Variants in UGGT1 observed in about 807,000 individuals in gnomAD.
UGGT1 encodes the protein UDP-glucose:glycoprotein glucosyltransferase 1.
Under a neutral mutation model 203.9 loss-of-function variants are expected in UGGT1, and 107 were observed. The ratio of observed to expected loss-of-function variants is 0.52; its 90% CI spans 0.45 to 0.62. The LOEUF (loss-of-function observed/expected upper bound fraction) is 0.62. UGGT1 is among the 20% of genes least tolerant of loss of function. UGGT1 has a pLI of 0.00. For synonymous variants in UGGT1, 628 were observed against 653.5 expected, an observed-to-expected ratio of 0.96 and a Z score of 0.59; for missense variants, 1,673 against 1,867.2, an observed-to-expected ratio of 0.90 and a Z score of 1.92.
intron 11 of UGGT1, among the ~76,000 whole-genome samples, chr2:128,126,526 G>A (rs938782687): frequency 6.6e-6 from 1 of 152,060 alleles, no homozygotes; most frequent in Non-Finnish European, 1.5e-5. Context: ...ACAGGCATGA[G>A]CCACTGTGCC....
chr2:128,187,299 C>A, intron 39 of UGGT1, 150 bp from the exon 40 acceptor site: 1 of 758,876 alleles, frequency 1.3e-6, no homozygotes, highest in Non-Finnish European at 2.0e-6. Context: ...CTTTACATAG[C>A]CCACTACCAT....
chr2:128,152,313 A>G (rs1573580049), intron 18 of UGGT1, among the ~76,000 whole-genome samples: 1 of 151,944 alleles, frequency 6.6e-6, no homozygotes, highest in African/African-American at 2.4e-5. Flanking sequence ...GATTACCGGC[A>G]CCTGCCACCA....
At chr2:128,166,334 C>T (rs987575556) in intron 26 of UGGT1, among the ~76,000 whole-genome samples, 1 of 152,178 alleles carries the variant, frequency 6.6e-6, no homozygotes, top group African/African-American at 2.4e-5. Context: ...TTTTTTCCTG[C>T]ACCATTTGGA....
rs1690506699 is a variant in UGGT1 at position 128,161,125 on chromosome 2, C to G, written c.2695-13C>G. On this transcript the variant is annotated splice_polypyrimidine_tract_variant and intron_variant, in intron 24 of 40. Transcript: ENST00000259253. ...CTTCCAGAGCTAAGCGCCTGCTCTT[C>G]TCTCCTTCACAGATCATTGGGCCAC... 2 of 1,613,056 alleles carry G rather than the reference C, an allele frequency of 1.2e-6. No homozygotes were observed. The highest frequency in any genetic ancestry group is 2.2e-5 in the East Asian group (1 of 44,830).
intron 25 of UGGT1, among the ~76,000 whole-genome samples, chr2:128,162,770 G>A (rs1021886162): frequency 2.6e-5 from 4 of 152,142 alleles, no homozygotes; most frequent in Non-Finnish European, 5.9e-5. Context: ...ACCACTGCAG[G>A]GAGCTCCTTG....
Position 128,097,439 on chromosome 2 carries a change from T to C in UGGT1, c.69T>C (p.Tyr23=). ...AGALPVTGVC[Y]KMGVLVVLTV... is the part of the protein sequence containing the mutation. ...TTTTTTTCCTTTTAGGAGTTTGCTA[T>C]AAAATGGGAGTTCTGGTTGTACTCA... The change falls in exon 2 of 41, where the codon TAT becomes TAC. Residue 23 remains tyrosine (Y), a synonymous_variant. Coordinates refer to ENST00000259253, the MANE Select transcript of UGGT1 (RefSeq NM_020120.4). The C allele has an allele frequency of 1.2e-6, 2 of 1,605,314 alleles. No individual in the cohort carries two copies. The highest frequency in any genetic ancestry group is 1.7e-6 in the Non-Finnish European group (2 of 1,177,902).
chr2:128,152,668 A>G (rs1690029198), intron 18 of UGGT1, 116 bp from the exon 19 acceptor site: 1 of 1,378,870 alleles, frequency 7.3e-7, no homozygotes. Context: ...TGTCTTAACT[A>G]TTATTAGCAC....
intron 18 of UGGT1, among the ~76,000 whole-genome samples, chr2:128,147,008 C>T (rs941584698): frequency 6.6e-6 from 1 of 152,192 alleles, no homozygotes; most frequent in African/African-American, 2.4e-5. Context: ...GTAGTATAAA[C>T]CACCATGTGT....
At position 128,091,414 on chromosome 2, in the gene UGGT1, A is replaced by G; in HGVS notation, c.57A>G (p.Thr19=). The change falls in exon 1 of 41, where the codon ACA becomes ACG. Residue 19 remains threonine (T), a splice_region_variant and synonymous_variant. Transcript: ENST00000259253. ...GTGCCGCGGGTGCGCTGCCGGTGAC[A>G]GGTACCCAGGGGTGGCGTGAGGAGG... ...GACAAGALPV[T]GVCYKMGVLV... is the part of the protein sequence containing the mutation. 6.3e-7 allele frequency: 1 copy of G among 1,581,314 alleles called. No individual in the cohort carries two copies. Among genetic ancestry groups the G allele is most frequent in the Non-Finnish European group, 8.6e-7 (1 of 1,163,648 alleles).
intron 32 of UGGT1, 41 bp downstream of exon 32, chr2:128,176,939 C>A: frequency 6.4e-7 from 1 of 1,564,932 alleles, no homozygotes; most frequent in Non-Finnish European, 8.8e-7. Context: ...TATTGGACAG[C>A]TGTCATTTAA....
chr2:128,097,678 G>A, intron 2 of UGGT1, 114 bp downstream of exon 2: 1 of 1,331,162 alleles, frequency 7.5e-7, no homozygotes, highest in Non-Finnish European at 1.0e-6. Context: ...TTTATGAAGA[G>A]CCTCTTTCAG....
At chr2:128,154,513 G>A (rs1448807689) in intron 19 of UGGT1, among the ~76,000 whole-genome samples, 1 of 152,164 alleles carries the variant, frequency 6.6e-6, no homozygotes, top group African/African-American at 2.4e-5. Context: ...GGCTTTGGCT[G>A]TCCTGGAACC....
At chr2:128,144,579 C>T (rs1288388303) in intron 17 of UGGT1, among the ~76,000 whole-genome samples, 2 of 152,050 alleles carry the variant, frequency 1.3e-5, no homozygotes, top group African/African-American at 2.4e-5. Context: ...ATGAAATAGT[C>T]GAGATGTCAA....
chr2:128,178,136 A>G (rs1430703538), intron 33 of UGGT1, among the ~76,000 whole-genome samples: 1 of 152,194 alleles, frequency 6.6e-6, no homozygotes, highest in Non-Finnish European at 1.5e-5. Context: ...CTTCTGCTCC[A>G]TACTTTGTGA....
chr2:128,135,439 T>G (rs1300792498), intron 15 of UGGT1, among the ~76,000 whole-genome samples: 1 of 152,066 alleles, frequency 6.6e-6, no homozygotes, highest in Non-Finnish European at 1.5e-5. Context: ...TTAAGAACAG[T>G]TTTTTTTATT....
At chr2:128,137,660 T>C (rs1350434175) in intron 15 of UGGT1, among the ~76,000 whole-genome samples, 1 of 152,242 alleles carries the variant, frequency 6.6e-6, no homozygotes, top group Non-Finnish European at 1.5e-5. Context: ...TGCTATCGTC[T>C]GGGAATTTTT....
chr2:128,122,532 CT>C (rs1688430860), intron 10 of UGGT1, among the ~76,000 whole-genome samples: 1 of 140,210 alleles, frequency 7.1e-6, no homozygotes, highest in Non-Finnish European at 1.6e-5. Context: ...GAAACTCCGT[CT>C]AAAAAAAAAA....
chr2:128,147,747 A>G (rs1159528681), intron 18 of UGGT1, among the ~76,000 whole-genome samples: 1 of 152,016 alleles, frequency 6.6e-6, no homozygotes, highest in African/African-American at 2.4e-5. Flanking sequence ...AGTAGCTGGG[A>G]CTATAGGTGC....
intron 37 of UGGT1, 31 bp downstream of exon 37, chr2:128,182,321 A>G: frequency 3.8e-6 from 6 of 1,573,182 alleles, no homozygotes; most frequent in Non-Finnish European, 5.2e-6. Context: ...TAACACTGTT[A>G]CGGGGTTTTC....
Sources: gnomAD v4.1 joint callset for allele counts (sites outside exome capture counted in the v4.1 genomes callset) on GRCh38, gnomAD v4.1.1 for gene constraint, MANE v1.5 for transcripts, NCBI Gene and HGNC (gene_info 2026-07-23, HGNC 2026-07-21) for gene names.